The following NALF1 variants were observed in gnomAD, a reference collection of about 807,000 sequenced individuals.
NALF1 encodes family with sequence similarity 155 member A.
In NALF1, 3 loss-of-function variants were observed where a neutral mutation model predicts 48.4. The ratio of observed to expected loss-of-function variants is 0.06; its 90% CI spans 0.03 to 0.16. The LOEUF (loss-of-function observed/expected upper bound fraction) is 0.16, where lower values mean the gene tolerates loss of function less well. Among genes scored for constraint, NALF1 ranks in the 10% least tolerant of loss-of-function variants. NALF1 has a pLI of 1.00. For synonymous variants in NALF1, 262 were observed against 245.7 expected (o/e 1.07, Z -0.62); for missense variants, 526 against 571.5 (o/e 0.92, Z 0.81).
intron 1 of NALF1, among the ~76,000 whole-genome samples, chr13:107,705,211 G>C (rs1881917695): frequency 6.6e-6 from 1 of 152,140 alleles, no homozygotes. Context: ...ATGTAGCTTT[G>C]TCCAACGAAG....
At chr13:107,274,290 A>T (rs2138866779) in intron 1 of NALF1, among the ~76,000 whole-genome samples, 1 of 152,246 alleles carries the variant, frequency 6.6e-6, no homozygotes, top group African/African-American at 2.4e-5. Context: ...TCATCTTGCA[A>T]AGCAAGATGG....
intron 1 of NALF1, among the ~76,000 whole-genome samples, chr13:107,218,241 A>C (rs1013532507): frequency 6.6e-6 from 1 of 152,156 alleles, no homozygotes; most frequent in Non-Finnish European, 1.5e-5. Flanking sequence ...CATTCCCTCT[A>C]GACCCTGCAA....
At chr13:107,495,523 C>A (rs546435804) in intron 1 of NALF1, among the ~76,000 whole-genome samples, 1 of 152,162 alleles carries the variant, frequency 6.6e-6, no homozygotes, top group African/African-American at 2.4e-5. Context: ...ACATTCTATA[C>A]GCCAAACCCC....
intron 1 of NALF1, among the ~76,000 whole-genome samples, chr13:107,741,897 T>C (rs375082788): frequency 2.0e-5 from 3 of 152,226 alleles, no homozygotes; most frequent in Non-Finnish European, 4.4e-5. Flanking sequence ...TGGACGTGGA[T>C]AGCTATGACC....
intron 2 of NALF1, among the ~76,000 whole-genome samples, chr13:107,185,046 A>T (rs190859901): frequency 2.6e-5 from 4 of 152,322 alleles, no homozygotes; most frequent in Admixed American, 2.6e-4. Context: ...AGGGAAGATG[A>T]TGTCAGAGAC....
At chr13:107,778,333 TAG>T (rs1273406862) in intron 1 of NALF1, among the ~76,000 whole-genome samples, 1 of 152,200 alleles carries the variant, frequency 6.6e-6, no homozygotes, top group African/African-American at 2.4e-5. Context: ...GGAATTTAAT[TAG>T]AGTGTGCCCA....
intron 1 of NALF1, among the ~76,000 whole-genome samples, chr13:107,434,203 T>A (rs549655309): frequency 6.6e-6 from 1 of 152,342 alleles, no homozygotes; most frequent in South Asian, 2.1e-4. Context: ...TTGACCATTA[T>A]TGTGTTAAAA....
intron 1 of NALF1, among the ~76,000 whole-genome samples, chr13:107,766,347 C>T (rs771180707): frequency 1.3e-5 from 2 of 152,086 alleles, no homozygotes; most frequent in Non-Finnish European, 2.9e-5. Flanking sequence ...GAATAAATAA[C>T]CGATAACAAT....
chr13:107,323,212 T>C (rs531875712), intron 1 of NALF1, among the ~76,000 whole-genome samples: 3 of 152,280 alleles, frequency 2.0e-5, no homozygotes, highest in South Asian at 2.1e-4. Flanking sequence ...TTCCGTGCTA[T>C]AGAACTTCTG....
Position 107,603,976 on chromosome 13 carries a change from A to G in NALF1, c.915+261706T>C, listed in dbSNP as rs1288990395. Among the ~76,000 whole-genome samples, 3 of 152,282 alleles carry G rather than the reference A, an allele frequency of 2.0e-5. No homozygotes were observed. The East Asian group carries it at 5.8e-4, about 29-fold the overall frequency. Reference sequence around the variant, plus strand: ...GGCTGTGTTTTAACTCAAAGAATTTATTTTTAATTGAGGTAAAAGTCATTC... The same window carrying G: ...GGCTGTGTTTTAACTCAAAGAATTTGTTTTTAATTGAGGTAAAAGTCATTC... On this transcript the variant is annotated intron_variant, in intron 1 of 2. Transcript: ENST00000375915.
intron 1 of NALF1, among the ~76,000 whole-genome samples, chr13:107,476,187 T>G (rs1456690254): frequency 6.6e-6 from 1 of 152,184 alleles, no homozygotes; most frequent in Non-Finnish European, 1.5e-5. Context: ...GTCCTGCCAT[T>G]GCAGGCAGCC....
At chr13:107,840,707 T>C (rs1566502695) in intron 1 of NALF1, among the ~76,000 whole-genome samples, 3 of 152,146 alleles carry the variant, frequency 2.0e-5, no homozygotes, top group Admixed American at 6.6e-5. Context: ...CAGTCTCTCA[T>C]ACATGGAGAC....
In NALF1 at chr13:107,866,452, T is replaced by C; in HGVS notation, c.145A>G (p.Thr49Ala). ...CACAAGTGATCAGAGAGCAGGACTGTGAAAAACAAGAGAGATGCCAGAGAC... is the reference window on the plus strand; with the variant it reads ...CACAAGTGATCAGAGAGCAGGACTGCGAAAAACAAGAGAGATGCCAGAGAC... ...RLSLASLLFF[T>A]VLLSDHLWFC... The change falls in exon 1 of 3, where the codon ACA (threonine) becomes GCA (alanine). Residue 49 changes from threonine to alanine, a missense_variant. By Grantham distance (58) the Thr-to-Ala change is moderately conservative. Coordinates refer to ENST00000375915, the MANE Select transcript of NALF1 (RefSeq NM_001080396.3). The surrounding 1 kb of genome is among the most constrained non-coding windows in gnomAD (Gnocchi z 4.4). The C allele has an allele frequency of 1.2e-6, 2 of 1,614,016 alleles. No homozygotes were observed. Among genetic ancestry groups the C allele is most frequent in the Non-Finnish European group, 8.5e-7 (1 of 1,180,018 alleles).
chr13:107,723,017 TG>T (rs901317402), intron 1 of NALF1, among the ~76,000 whole-genome samples: 14 of 152,298 alleles, frequency 9.2e-5, no homozygotes, highest in Admixed American at 9.1e-4. Context: ...TTTTCAAAAC[TG>T]AAAAAATATC....
intron 1 of NALF1, among the ~76,000 whole-genome samples, chr13:107,759,932 C>G (rs910079154): frequency 4.6e-5 from 7 of 152,066 alleles, no homozygotes; most frequent in Non-Finnish European, 1.5e-5. Flanking sequence ...GAAACCAGAG[C>G]AGGTTATGAT....
intron 1 of NALF1, among the ~76,000 whole-genome samples, chr13:107,752,007 T>A (rs564210514): frequency 1.2e-3 from 186 of 152,184 alleles, no homozygotes; most frequent in African/African-American, 4.4e-3. Context: ...AACATATTAA[T>A]ATTTATATTA....
At chr13:107,546,457 T>C (rs1877139033) in intron 1 of NALF1, among the ~76,000 whole-genome samples, 2 of 152,204 alleles carry the variant, frequency 1.3e-5, no homozygotes, top group Admixed American at 1.3e-4. Flanking sequence ...AGTTATTTCA[T>C]TTTAAACTAG....
At chr13:107,398,307 A>G (rs567549744) in intron 1 of NALF1, among the ~76,000 whole-genome samples, 7 of 150,784 alleles carry the variant, frequency 4.6e-5, no homozygotes, top group African/African-American at 1.7e-4. Flanking sequence ...CAGAAAAAAG[A>G]TTTTCCCTTA....
At chr13:107,714,634 A>AAAAAAAAG (rs1370401022) in intron 1 of NALF1, among the ~76,000 whole-genome samples, 2 of 151,330 alleles carry the variant, frequency 1.3e-5, no homozygotes, top group African/African-American at 4.8e-5. Context: ...ATTAAAAAAA[A>AAAAAAAAG]AAAAAGAAAG....
Sources: gnomAD v4.1 joint callset for allele counts (sites outside exome capture counted in the v4.1 genomes callset) on GRCh38, gnomAD v4.1.1 for gene constraint, Gnocchi (gnomAD v3.1) non-coding constraint, MANE v1.5 for transcripts, NCBI Gene and HGNC (gene_info 2026-07-23, HGNC 2026-07-21) for gene names.